Variants in TBX20 observed in about 807,000 individuals in gnomAD.
The protein encoded by TBX20 is T-box transcription factor TBX20.
In TBX20, 8 loss-of-function variants were observed where a neutral mutation model predicts 42.9. The ratio of observed to expected loss-of-function variants is 0.19; its 90% CI spans 0.11 to 0.34. TBX20 has a LOEUF of 0.34. TBX20 is among the 10% of genes least tolerant of loss of function. TBX20 has a pLI of 1.00. For missense variants in TBX20, 411 were observed against 566.0 expected, an observed-to-expected ratio of 0.73 and a Z score of 2.78; for synonymous variants, 198 against 222.8, an observed-to-expected ratio of 0.89 and a Z score of 0.99.
intron 5 of TBX20, among the ~76,000 whole-genome samples, chr7:35,237,222 G>GCCC (rs1422621979): frequency 1.3e-5 from 2 of 151,954 alleles, no homozygotes; most frequent in Admixed American, 6.6e-5. Flanking sequence ...CTTCTTCAAG[G>GCCC]CATACAGTGT....
intron 1 of TBX20, among the ~76,000 whole-genome samples, chr7:35,251,756 C>G (rs927359647): frequency 6.6e-6 from 1 of 152,160 alleles, no homozygotes; most frequent in Admixed American, 6.5e-5. Context: ...ACTGGAATCC[C>G]CCTCCCCACT....
chr7:35,240,759 A>T lies in TBX20; in HGVS notation c.813+120T>A, dbSNP rs528123339. On this transcript the variant is annotated intron_variant, in intron 5 of 7. Transcript: ENST00000408931. ...AGAGTTCCTAGCCCTGAAACTCAAT[A>T]GCTCTCTGCAAAGTGAACATCCATT... 7.8e-6 allele frequency: 7 copies of T among 895,424 alleles called. No homozygotes were observed. In the South Asian group the frequency reaches 1.0e-4, roughly 13 times the overall value. 55.5% of individuals were successfully genotyped at this position (895,424 alleles called of 1,614,324 possible).
At chr7:35,229,237 C>A (rs1197785415) in intron 6 of TBX20, among the ~76,000 whole-genome samples, 1 of 152,118 alleles carries the variant, frequency 6.6e-6, no homozygotes, top group Non-Finnish European at 1.5e-5. Flanking sequence ...TCTCTCAGAT[C>A]TCTTATAAAG....
At chr7:35,246,835 A>G (rs1254520118) in intron 3 of TBX20, among the ~76,000 whole-genome samples, 1 of 152,110 alleles carries the variant, frequency 6.6e-6, no homozygotes, top group Non-Finnish European at 1.5e-5. Flanking sequence ...TTGCTAAATT[A>G]TCTATTTTTT....
chr7:35,227,385 C>A (rs1003004990), intron 6 of TBX20, among the ~76,000 whole-genome samples: 2 of 152,082 alleles, frequency 1.3e-5, no homozygotes, highest in African/African-American at 4.8e-5. Context: ...TCACCCAGAG[C>A]AAATTCCAGA....
At chr7:35,235,823 T>C (rs1789955314) in intron 5 of TBX20, among the ~76,000 whole-genome samples, 1 of 152,174 alleles carries the variant, frequency 6.6e-6, no homozygotes, top group African/African-American at 2.4e-5. Flanking sequence ...GCAGTGGTTA[T>C]TCTGTATAAT....
In TBX20 at chr7:35,204,583, C is replaced by CT; in HGVS notation, c.891-2dup. ...TTGAATCAGGCTCTCCACACTTTCC[C>CT]TAGGTTAGAGTGACATATCACAGGT... On this transcript the variant is annotated splice_acceptor_variant, in intron 6 of 7. Coordinates refer to ENST00000408931, the MANE Select transcript of TBX20 (RefSeq NM_001077653.2). LOFTEE classifies it high-confidence loss of function. The CT allele has an allele frequency of 6.2e-7, 1 of 1,610,672 alleles. No homozygotes were observed. Among genetic ancestry groups the CT allele is most frequent in the Non-Finnish European group, 8.5e-7 (1 of 1,177,144 alleles).
chr7:35,225,355 AATT>A (rs1291282808), intron 6 of TBX20, among the ~76,000 whole-genome samples: 4 of 152,168 alleles, frequency 2.6e-5, no homozygotes, highest in Admixed American at 6.5e-5. Context: ...TAATAACCCA[AATT>A]ATTATTTCAA....
chr7:35,220,989 A>G (rs1789673219), intron 6 of TBX20, among the ~76,000 whole-genome samples: 1 of 152,220 alleles, frequency 6.6e-6, no homozygotes, highest in Admixed American at 6.5e-5. Flanking sequence ...CAGTAAAGAC[A>G]GAAGCCAGAA....
At chr7:35,225,732 T>C (rs1245286296) in intron 6 of TBX20, among the ~76,000 whole-genome samples, 1 of 152,232 alleles carries the variant, frequency 6.6e-6, no homozygotes, top group Non-Finnish European at 1.5e-5. Flanking sequence ...GGTTATTATA[T>C]AAATTCAACA....
chr7:35,202,874 G>A (rs1233268133), intron 7 of TBX20, 104 bp from the exon 8 acceptor site: 18 of 1,537,538 alleles, frequency 1.2e-5, no homozygotes, highest in Non-Finnish European at 1.3e-5. Context: ...TATTTAATAC[G>A]TCTGTAATTT....
Position 35,250,079 on chromosome 7 carries a change from T to C in TBX20, c.252A>G (p.Pro84=). 6.2e-7 allele frequency: 1 copy of C among 1,613,878 alleles called. No homozygotes were observed. Residue 84 remains proline (P), a synonymous_variant, in exon 2 of 8, where the codon CCA becomes CCG. Coordinates refer to ENST00000408931, the MANE Select transcript of TBX20 (RefSeq NM_001077653.2). ...SPSSSSLCTE[P]LIPTTPIIPS... ...GGATGATGGGGGTGGTGGGGATCAGTGGCTCAGTGCACAGAGAGGAGGAGG... is the reference window on the plus strand; with the variant it reads ...GGATGATGGGGGTGGTGGGGATCAGCGGCTCAGTGCACAGAGAGGAGGAGG...
chr7:35,251,780 C>G (rs1790310374), intron 1 of TBX20, among the ~76,000 whole-genome samples: 1 of 152,180 alleles, frequency 6.6e-6, no homozygotes, highest in Admixed American at 6.5e-5. Flanking sequence ...TAGTTTGCTT[C>G]AACAAAAGTC....
intron 6 of TBX20, among the ~76,000 whole-genome samples, chr7:35,211,919 C>G (rs1229974579): frequency 3.9e-5 from 6 of 151,998 alleles, no homozygotes; most frequent in Non-Finnish European, 8.8e-5. Flanking sequence ...TTTCTTCATG[C>G]TTTTTGAGCT....
At chr7:35,248,116 T>C (rs1319095754) in intron 3 of TBX20, among the ~76,000 whole-genome samples, 1 of 152,158 alleles carries the variant, frequency 6.6e-6, no homozygotes, top group Non-Finnish European at 1.5e-5. Context: ...TCCACTAAAA[T>C]TATAAAGGGA....
chr7:35,212,863 CA>C (rs1329783690), intron 6 of TBX20, among the ~76,000 whole-genome samples: 2 of 152,306 alleles, frequency 1.3e-5, no homozygotes, highest in Non-Finnish European at 2.9e-5. Context: ...GCTGAACACT[CA>C]AAAGGGATCC....
intron 3 of TBX20, among the ~76,000 whole-genome samples, chr7:35,247,883 T>G (rs750969276): frequency 2.0e-5 from 3 of 152,208 alleles, no homozygotes; most frequent in Non-Finnish European, 2.9e-5. Flanking sequence ...TTCCTGTAAC[T>G]TCATCTATTA....
intron 5 of TBX20, among the ~76,000 whole-genome samples, chr7:35,238,663 G>T (rs940642705): frequency 3.3e-5 from 5 of 152,196 alleles, no homozygotes; most frequent in African/African-American, 4.8e-5. Context: ...AAACAGGATT[G>T]CTGGTTTCAG....
chr7:35,202,599 C>T lies in TBX20; in HGVS notation c.1175G>A (p.Arg392Gln), dbSNP rs768119874. ...CGATGGTGTCAGAGGCATTCCCAGT[C>T]GGCTATATGGTGGCAGAGAACCCTG... ...PIQGSLPPYSRLGMPLTPSAI... is the reference protein window; with the variant it reads ...PIQGSLPPYSQLGMPLTPSAI... The change falls in exon 8 of 8, where the codon CGA (arginine) becomes CAA (glutamine). Residue 392 changes from arginine to glutamine, a missense_variant. By Grantham distance (43) the Arg-to-Gln change is conservative. Transcript: ENST00000408931. 7 of 1,613,798 alleles carry T rather than the reference C, an allele frequency of 4.3e-6. No individual in the cohort carries two copies. The African/African-American group carries it at 5.3e-5, about 12-fold the overall frequency.
Sources: allele counts gnomAD v4.1 joint callset (sites outside exome capture counted in the v4.1 genomes callset), GRCh38; gene constraint gnomAD v4.1.1; transcripts MANE v1.5; gene names NCBI Gene and HGNC (gene_info 2026-07-23, HGNC 2026-07-21).